The following KANK1 variants were observed in gnomAD, a reference collection of about 807,000 sequenced individuals.
The protein encoded by KANK1 is KN motif and ankyrin repeat domains 1, also known as KN motif and ankyrin repeat domain-containing protein 1.
A neutral mutation model predicts 106.2 loss-of-function variants in KANK1; 109 were observed. The ratio of observed to expected loss-of-function variants is 1.03; its 90% CI spans 0.88 to 1.20. The LOEUF is 1.20. KANK1 is among the 50% of genes most tolerant of loss of function. The pLI is 0.00. For missense variants in KANK1, 2,399 were observed against 1,710.7 expected, an observed-to-expected ratio of 1.40 and a Z score of -7.10; for synonymous variants, 873 against 652.2, an observed-to-expected ratio of 1.34 and a Z score of -5.16.
At chr9:719,186 C>T (rs1302812554) in intron 3 of KANK1, among the ~76,000 whole-genome samples, 1 of 152,004 alleles carries the variant, frequency 6.6e-6, no homozygotes, top group Non-Finnish European at 1.5e-5. Flanking sequence ...CCAGGCTGGT[C>T]TCGATCTTCT....
chr9:713,345 G>A lies in KANK1; in HGVS notation c.2579G>A (p.Gly860Asp), dbSNP rs12000150. 1.2e-6 allele frequency: 2 copies of A among 1,614,170 alleles called. No individual in the cohort carries two copies. Among genetic ancestry groups the A allele is most frequent in the Non-Finnish European group, 1.7e-6 (2 of 1,180,032 alleles). ...EAFGEPHSQM[G>D]SLNSQLISTL... Reference sequence around the variant, plus strand: ...TTCGGGGAACCTCACTCACAGATGGGCTCCCTCAACTCTCAGCTCATCAGC... The same window carrying A: ...TTCGGGGAACCTCACTCACAGATGGACTCCCTCAACTCTCAGCTCATCAGC... The change falls in exon 3 of 12, where the codon GGC (glycine) becomes GAC (aspartate). Residue 860 changes from glycine to aspartate, a missense_variant. Gly to Asp is a moderately conservative substitution (Grantham distance 94, BLOSUM62 -1). Transcript: ENST00000382297.
At chr9:474,239 G>A (rs7850568) in intron 3 of KANK1, among the ~76,000 whole-genome samples, 7,778 of 152,208 alleles carry the variant, frequency 0.051, 268 homozygotes, top group South Asian at 0.11. Context: ...AATGCTGTTG[G>A]CCATAAGGAA....
chr9:561,251 G>C (rs1191278956), intron 1 of KANK1, among the ~76,000 whole-genome samples: 1 of 152,138 alleles, frequency 6.6e-6, no homozygotes, highest in Non-Finnish European at 1.5e-5. Context: ...AATCAATTAA[G>C]AATTTTTGCT....
intron 1 of KANK1, among the ~76,000 whole-genome samples, chr9:633,574 A>G (rs1159583589): frequency 1.3e-5 from 2 of 152,248 alleles, no homozygotes; most frequent in Non-Finnish European, 2.9e-5. Context: ...ATAGCATTGT[A>G]TCCAGATTCC....
intron 1 of KANK1, among the ~76,000 whole-genome samples, chr9:581,497 C>A (rs1255905252): frequency 7.3e-6 from 1 of 137,196 alleles, no homozygotes; most frequent in African/African-American, 2.8e-5. Context: ...TAAGAAAATA[C>A]ATAGGTTACT....
At chr9:704,275 A>T (rs1823436632) in intron 2 of KANK1, among the ~76,000 whole-genome samples, 2 of 152,154 alleles carry the variant, frequency 1.3e-5, no homozygotes, top group African/African-American at 4.8e-5. Context: ...GCTTTTTAGA[A>T]ATGTTATAGT....
At chr9:480,798 G>A (rs913403151) in intron 3 of KANK1, among the ~76,000 whole-genome samples, 1 of 152,202 alleles carries the variant, frequency 6.6e-6, no homozygotes, top group Non-Finnish European at 1.5e-5. Context: ...CAGATTAGGG[G>A]TGACACTCAA....
At chr9:741,589 A>G (rs1258268660) in intron 9 of KANK1, among the ~76,000 whole-genome samples, 1 of 149,282 alleles carries the variant, frequency 6.7e-6, no homozygotes, top group East Asian at 2.0e-4. Context: ...CCGGGTTCAC[A>G]CCATTCTCCT....
chr9:538,315 C>A (rs78745582), intron 1 of KANK1, among the ~76,000 whole-genome samples: 6,618 of 152,126 alleles, frequency 0.044, 149 homozygotes, highest in Non-Finnish European at 0.057. Context: ...TGTGCAAGGC[C>A]CTCTATCTCA....
intron 4 of KANK1, 57 bp downstream of exon 4, chr9:730,305 C>A: frequency 6.6e-7 from 1 of 1,510,724 alleles, no homozygotes; most frequent in Non-Finnish European, 9.2e-7. Context: ...GCATTGCCAG[C>A]ATTCCAATTT....
At chr9:721,999 G>C (rs555804734) in intron 3 of KANK1, among the ~76,000 whole-genome samples, 1 of 152,192 alleles carries the variant, frequency 6.6e-6, no homozygotes, top group Non-Finnish European at 1.5e-5. Context: ...GAAACCCAAG[G>C]GGGTGGGGAC....
chr9:660,291 G>A (rs1214757594), intron 1 of KANK1: 2 of 226,718 alleles, frequency 8.8e-6, no homozygotes, highest in African/African-American at 4.6e-5. Flanking sequence ...GATTGGAATG[G>A]CTAAGGACAA....
chr9:644,747 G>A (rs76953381), intron 1 of KANK1, among the ~76,000 whole-genome samples: 10,546 of 150,880 alleles, frequency 0.07, 862 homozygotes, highest in African/African-American at 0.13. Flanking sequence ...TGGGGACACA[G>A]ATCTAAACCA....
intron 1 of KANK1, among the ~76,000 whole-genome samples, chr9:661,038 C>T (rs1308228992): frequency 6.6e-6 from 1 of 152,188 alleles, no homozygotes; most frequent in Admixed American, 6.5e-5. Flanking sequence ...TTAATGGCAA[C>T]AGCTGTCCAA....
At chr9:510,852 C>T (rs1448019596) in intron 1 of KANK1, among the ~76,000 whole-genome samples, 1 of 152,188 alleles carries the variant, frequency 6.6e-6, no homozygotes, top group African/African-American at 2.4e-5. Context: ...TAGATCTTAA[C>T]TCCTTTCCCC....
intron 1 of KANK1, among the ~76,000 whole-genome samples, chr9:612,010 G>A (rs757228093): frequency 1.3e-5 from 2 of 152,128 alleles, no homozygotes; most frequent in African/African-American, 4.8e-5. Context: ...GAGCCACCGC[G>A]CCCGGCCGAC....
intron 3 of KANK1, among the ~76,000 whole-genome samples, chr9:499,533 A>C (rs1022412506): frequency 3.3e-5 from 5 of 152,152 alleles, no homozygotes; most frequent in South Asian, 2.1e-4. Context: ...TCCACCGCCG[A>C]CAAGGCTGCT....
intron 9 of KANK1, among the ~76,000 whole-genome samples, chr9:741,960 T>TA (rs1252750578): frequency 2.6e-5 from 4 of 152,262 alleles, no homozygotes; most frequent in South Asian, 4.1e-4. Flanking sequence ...TCCAGCCCCT[T>TA]ACTCTACTGA....
intron 2 of KANK1, among the ~76,000 whole-genome samples, chr9:698,566 A>G (rs1389809136): frequency 6.6e-6 from 1 of 152,162 alleles, no homozygotes; most frequent in Admixed American, 6.5e-5. Context: ...CTCAGCCCAG[A>G]GTAGCTGGAA....
Sources: gnomAD v4.1 joint callset for allele counts (sites outside exome capture counted in the v4.1 genomes callset) on GRCh38, gnomAD v4.1.1 for gene constraint, MANE v1.5 for transcripts, NCBI Gene and HGNC (gene_info 2026-07-23, HGNC 2026-07-21) for gene names.